The following PUM1 variants were observed in gnomAD, a reference collection of about 807,000 sequenced individuals.
The protein encoded by PUM1 is pumilio homolog 1.
PUM1 carries 13 observed loss-of-function variants against 131.8 expected under a neutral mutation model. The observed-to-expected ratio is 0.10, with a 90% CI of 0.06 to 0.16. PUM1 has a LOEUF of 0.16. Ranked by LOEUF, PUM1 falls within the 10% of genes least tolerant of loss-of-function variation. The pLI, the probability that PUM1 is intolerant of heterozygous loss-of-function variation, is 1.00. For missense variants in PUM1, 961 were observed against 1,512.4 expected, an observed-to-expected ratio of 0.64 and a Z score of 6.05; for synonymous variants, 509 against 556.5, an observed-to-expected ratio of 0.91 and a Z score of 1.20.
intron 20 of PUM1, 135 bp from the exon 21 acceptor site, chr1:30,936,970 G>A (rs982086752): frequency 1.8e-5 from 13 of 712,506 alleles, no homozygotes; most frequent in Non-Finnish European, 2.5e-5. Flanking sequence ...AAGATGAGTC[G>A]CCAACTGTCT....
chr1:31,062,476 C>T (rs1227339335), intron 1 of PUM1, among the ~76,000 whole-genome samples: 7 of 151,976 alleles, frequency 4.6e-5, no homozygotes, highest in African/African-American at 2.4e-5. Context: ...AAAAAGTAGC[C>T]AGGTGTGGTG....
At chr1:31,030,929 A>G (rs1160038967) in intron 2 of PUM1, among the ~76,000 whole-genome samples, 1 of 152,250 alleles carries the variant, frequency 6.6e-6, no homozygotes, top group African/African-American at 2.4e-5. Context: ...ATTGAAATTT[A>G]TAAAACTCAA....
chr1:30,954,071 A>G, intron 14 of PUM1, 90 bp from the exon 15 acceptor site: 1 of 1,338,096 alleles, frequency 7.5e-7, no homozygotes, highest in Non-Finnish European at 1.0e-6. Flanking sequence ...GAAAGCCTGC[A>G]CCATTTCTGA....
At chr1:30,951,681 C>A (rs907793824) in intron 16 of PUM1, among the ~76,000 whole-genome samples, 1 of 152,196 alleles carries the variant, frequency 6.6e-6, no homozygotes, top group South Asian at 2.1e-4. Context: ...ACCTAACAAT[C>A]TCATTCTTTC....
chr1:31,028,970 G>T, intron 2 of PUM1, 106 bp from the exon 3 acceptor site: 1 of 882,086 alleles, frequency 1.1e-6, no homozygotes, highest in Non-Finnish European at 1.9e-6. Context: ...TTCAGACATT[G>T]GCAAAGACAA....
chr1:31,042,903 T>C (rs768450805), intron 2 of PUM1, among the ~76,000 whole-genome samples: 5 of 152,182 alleles, frequency 3.3e-5, no homozygotes, highest in Non-Finnish European at 7.4e-5. Context: ...TTTCTTTTTT[T>C]TTCTCAGTAG....
chr1:30,975,753 G>A (rs1372544990), intron 9 of PUM1, among the ~76,000 whole-genome samples: 1 of 151,648 alleles, frequency 6.6e-6, no homozygotes, highest in Non-Finnish European at 1.5e-5. Context: ...AACACAAATA[G>A]AAACAAAAAA....
rs117331924 is a variant in PUM1, at chr1:30,986,349, C to T, written c.1159-4944G>A. On this transcript the variant is annotated intron_variant, in intron 7 of 21. Transcript: ENST00000426105. ...CTTCGAAACAGTAAAAGCACTATAT[C>T]AATGATGGGATTCTAAAATTTTAAG... is the stretch of plus-strand genomic sequence containing the variant. 8.4e-3 allele frequency among the ~76,000 whole-genome samples: 1,277 copies of T among 152,208 alleles called. 7 individuals are homozygous for T. Among genetic ancestry groups the T allele is most frequent in the Middle Eastern group, 0.031 (9 of 294 alleles).
At chr1:31,039,103 C>T (rs1444014545) in intron 2 of PUM1, among the ~76,000 whole-genome samples, 1 of 148,746 alleles carries the variant, frequency 6.7e-6, no homozygotes, top group Non-Finnish European at 1.5e-5. Context: ...TTCAAGCAGT[C>T]CTCCCACCTC....
Position 30,941,213 on chromosome 1 carries a change from T to C in PUM1, c.3180A>G (p.Lys1060=). Reference sequence around the variant, plus strand: ...CTCGGATTTCTGCTACAATTTTGCTTTTATCCTCAGGACGACCGTGCTCCA... The same window carrying C: ...CTCGGATTTCTGCTACAATTTTGCTCTTATCCTCAGGACGACCGTGCTCCA... ...HVLEHGRPED[K]SKIVAEIRGN... Residue 1060 remains lysine, a synonymous_variant, in exon 20 of 22, where the codon AAA becomes AAG. Transcript: ENST00000426105. 6.2e-7 allele frequency: 1 copy of C among 1,613,592 alleles called. No individual in the cohort carries two copies. The highest frequency in any genetic ancestry group is 8.5e-7 in the Non-Finnish European group (1 of 1,179,588).
chr1:31,027,287 C>CA (rs1178576296), intron 3 of PUM1, among the ~76,000 whole-genome samples: 1 of 151,694 alleles, frequency 6.6e-6, no homozygotes, highest in Non-Finnish European at 1.5e-5. Context: ...ATAAAAAATT[C>CA]AAAAAAGAAA....
In PUM1 at chr1:31,028,686, GA is replaced by G. The variant is rs1459191757; in HGVS notation, c.432+109del. The stretch of plus-strand genomic sequence containing the variant: ...TTCCTATCATGAGAATGGCAACAAG[GA>G]AAAGCAAGCACATATTTCTGGAGAC... On this transcript the variant is annotated intron_variant, in intron 3 of 21. Transcript: ENST00000426105. 5.2e-6 allele frequency: 5 copies of G among 958,476 alleles called. No individual in the cohort carries two copies. The East Asian group carries it at 1.2e-4, about 23-fold the overall frequency. The allele number at this position is 958,476 out of a possible 1,614,324, so 59.4% of individuals were successfully genotyped here.
chr1:30,968,266 G>A (rs1253319922), intron 11 of PUM1, 88 bp downstream of exon 11: 8 of 1,567,716 alleles, frequency 5.1e-6, no homozygotes, highest in Non-Finnish European at 6.1e-6. Flanking sequence ...TAAGCAAGGT[G>A]AAAGCACTGC....
rs369145927 is a variant in PUM1 at position 30,943,617 on chromosome 1, T to C, written c.2995-1494A>G. ...GGTCTTCTGGGTTCCTTAAGTCTTTTAAGAGAATAATGGTGTTTAAACATG... is the reference window on the plus strand; with the variant it reads ...GGTCTTCTGGGTTCCTTAAGTCTTTCAAGAGAATAATGGTGTTTAAACATG... On this transcript the variant is annotated intron_variant, in intron 18 of 21. Coordinates refer to ENST00000426105, the MANE Select transcript of PUM1 (RefSeq NM_001020658.2). Among the ~76,000 whole-genome samples, 11 of 152,296 alleles carry C rather than the reference T, an allele frequency of 7.2e-5. No individual in the cohort carries two copies. The East Asian group carries it at 1.7e-3, about 24-fold the overall frequency.
rs139588801 is a variant in PUM1 at position 30,965,207 on chromosome 1, G to C, written c.2087-297C>G. 1.5e-3 allele frequency among the ~76,000 whole-genome samples: 234 copies of C among 152,272 alleles called. 2 individuals are homozygous for C. Among genetic ancestry groups the C allele is most frequent in the South Asian group, 3.5e-3 (17 of 4,822 alleles). The stretch of plus-strand genomic sequence containing the variant: ...CACATGAACTATGGAAAAGGTGGAA[G>C]AAAATGGACTAGAAGAATGCCTTTC... On this transcript the variant is annotated intron_variant, in intron 13 of 21. Transcript: ENST00000426105.
Position 30,933,337 on chromosome 1 carries a change from C to T in PUM1, c.3441G>A (p.Arg1147=). 1 of 1,612,998 alleles carries T rather than the reference C, an allele frequency of 6.2e-7. No homozygotes were observed. Among genetic ancestry groups the T allele is most frequent in the Non-Finnish European group, 8.5e-7 (1 of 1,179,390 alleles). Reference sequence around the variant, plus strand: ...ACTTACGAAGAGTTGCGATGTGGGGCCGGATCTGGGGAGGAAAGACAGTCT... The same window carrying T: ...ACTTACGAAGAGTTGCGATGTGGGGTCGGATCTGGGGAGGAAAGACAGTCT... ...GQRKIVMHKI[R]PHIATLRKYT... is the part of the protein sequence containing the mutation. Residue 1147 remains arginine (R), a synonymous_variant, in exon 22 of 22, where the codon CGG becomes CGA. Coordinates refer to ENST00000426105, the MANE Select transcript of PUM1 (RefSeq NM_001020658.2).
chr1:30,975,000 A>G, intron 9 of PUM1, 198 bp from the exon 10 acceptor site: 1 of 390,138 alleles, frequency 2.6e-6, no homozygotes, highest in South Asian at 5.2e-5. Context: ...GTCTTCTAAT[A>G]TAATCCAGGC....
At chr1:30,968,126 G>T in intron 11 of PUM1, 1 of 710,082 alleles carries the variant, frequency 1.4e-6, no homozygotes, top group South Asian at 1.4e-5. Context: ...CATATTCCAA[G>T]CTGCATGGAC....
chr1:30,995,317 G>A, intron 5 of PUM1, 97 bp from the exon 6 acceptor site: 1 of 1,325,034 alleles, frequency 7.5e-7, no homozygotes, highest in Non-Finnish European at 1.1e-6. Flanking sequence ...CTACTCAGAA[G>A]AGGATAGTGT....
Sources: allele counts gnomAD v4.1 joint callset (sites outside exome capture counted in the v4.1 genomes callset), GRCh38; gene constraint gnomAD v4.1.1; transcripts MANE v1.5; gene names NCBI Gene and HGNC (gene_info 2026-07-23, HGNC 2026-07-21).